Variants in PRELID2 observed in about 807,000 individuals in gnomAD.
The protein encoded by PRELID2 is PRELI domain containing 2, also known as PRELI domain-containing protein 2.
PRELID2 carries 25 observed loss-of-function variants against 28.4 expected under a neutral mutation model. That is an observed-to-expected ratio of 0.88 (90% CI 0.64 to 1.23). The LOEUF (loss-of-function observed/expected upper bound fraction) is 1.23. PRELID2 is among the 50% of genes most tolerant of loss of function. PRELID2 has a pLI of 0.00. For missense variants in PRELID2, 201 were observed against 214.4 expected (o/e 0.94, Z 0.39); for synonymous variants, 76 against 71.6 (o/e 1.06, Z -0.31).
intron 1 of PRELID2, among the ~76,000 whole-genome samples, chr5:145,682,696 A>C (rs1002204557): frequency 2.0e-5 from 3 of 152,168 alleles, no homozygotes; most frequent in Non-Finnish European, 4.4e-5. Context: ...GGTATTCACC[A>C]TGTGGGAAGG....
chr5:145,280,490 A>T, the PRELID2 span, among the ~76,000 whole-genome samples: 2 of 152,052 alleles, frequency 1.3e-5, no homozygotes, highest in African/African-American at 4.8e-5. Context: ...GATGCATGTG[A>T]GTGTCTATGT....
At chr5:145,425,037 C>A in the PRELID2 span, among the ~76,000 whole-genome samples, 1 of 150,478 alleles carries the variant, frequency 6.6e-6, no homozygotes. Context: ...ATCTAATATC[C>A]AGAGTCTACA....
At chr5:145,347,550 G>T in the PRELID2 span, among the ~76,000 whole-genome samples, 1 of 152,016 alleles carries the variant, frequency 6.6e-6, no homozygotes, top group Non-Finnish European at 1.5e-5. Context: ...TTTAAATAAG[G>T]GTTTGTGGTG....
chr5:145,338,211 A>C, the PRELID2 span: 2 of 152,160 alleles, frequency 1.3e-5, no homozygotes, highest in Non-Finnish European at 2.9e-5. Context: ...ACCCCATTAG[A>C]CACCACTGTT....
chr5:145,618,648 T>TG (rs1472042355), intron 1 of PRELID2, among the ~76,000 whole-genome samples: 1 of 152,204 alleles, frequency 6.6e-6, no homozygotes, highest in African/African-American at 2.4e-5. Context: ...TCTATTTTTG[T>TG]GCTGGTTGGC....
intron 1 of PRELID2, among the ~76,000 whole-genome samples, chr5:145,670,887 A>G (rs1363795343): frequency 6.6e-6 from 1 of 152,214 alleles, no homozygotes; most frequent in African/African-American, 2.4e-5. Context: ...TTAGCAGTAC[A>G]GCGTATGATT....
chr5:145,375,449 A>C, the PRELID2 span, among the ~76,000 whole-genome samples: 1 of 152,136 alleles, frequency 6.6e-6, no homozygotes, highest in Admixed American at 6.5e-5. Context: ...GGTCTCACCC[A>C]GTTGGGTGTC....
intron 5 of PRELID2, among the ~76,000 whole-genome samples, chr5:145,770,364 A>C (rs946834544): frequency 6.6e-6 from 1 of 151,942 alleles, no homozygotes; most frequent in Non-Finnish European, 1.5e-5. Flanking sequence ...AAAAAAAAAA[A>C]ATTTAATTAG....
intron 1 of PRELID2, among the ~76,000 whole-genome samples, chr5:145,594,292 CT>C (rs1753272185): frequency 6.6e-6 from 1 of 152,004 alleles, no homozygotes; most frequent in African/African-American, 2.4e-5. Context: ...ATGAGTTTAT[CT>C]TTTATCATTT....
chr5:145,781,399 G>A lies in PRELID2; in HGVS notation c.474+15043C>T, dbSNP rs563121626. On this transcript the variant is annotated intron_variant, in intron 5 of 6. Coordinates refer to ENST00000683046, the MANE Select transcript of PRELID2 (RefSeq NM_205846.3). ...TGATATGTCTGAATGACATTTTCCT[G>A]GTCTTTTTGGTCAAACTAAAAGACT... 2.1e-4 allele frequency among the ~76,000 whole-genome samples: 32 copies of A among 151,972 alleles called. 1 individual carries two copies. Among genetic ancestry groups the A allele is most frequent in the Admixed American group, 1.5e-3 (23 of 15,224 alleles).
At chr5:145,676,432 G>A (rs1410345094) in intron 1 of PRELID2, among the ~76,000 whole-genome samples, 1 of 151,990 alleles carries the variant, frequency 6.6e-6, no homozygotes, top group Non-Finnish European at 1.5e-5. Context: ...CTAGCCACTC[G>A]GGAGGCTGAG....
the PRELID2 span, among the ~76,000 whole-genome samples, chr5:145,394,907 C>G: frequency 6.6e-6 from 1 of 152,064 alleles, no homozygotes; most frequent in Non-Finnish European, 1.5e-5. Context: ...GTAGAGAACA[C>G]TTAATCTCTT....
the PRELID2 span, among the ~76,000 whole-genome samples, chr5:145,380,555 G>A: frequency 2.0e-5 from 3 of 152,018 alleles, no homozygotes; most frequent in Non-Finnish European, 2.9e-5. Context: ...CTCTAAATCA[G>A]CACTTCTGAT....
At chr5:145,575,172 C>G (rs1753050034) in intron 1 of PRELID2, among the ~76,000 whole-genome samples, 1 of 152,104 alleles carries the variant, frequency 6.6e-6, no homozygotes, top group Admixed American at 6.5e-5. Context: ...TTCTATAATT[C>G]CAGAATCGGG....
chr5:145,542,833 T>C (rs183568055), intron 1 of PRELID2, among the ~76,000 whole-genome samples: 13 of 152,062 alleles, frequency 8.5e-5, no homozygotes, highest in African/African-American at 2.2e-4. Flanking sequence ...TTTCTTTCTA[T>C]TATACATGGT....
At chr5:145,590,979 C>A (rs1168879385) in intron 1 of PRELID2, among the ~76,000 whole-genome samples, 1 of 151,348 alleles carries the variant, frequency 6.6e-6, no homozygotes, top group Non-Finnish European at 1.5e-5. Flanking sequence ...AAAAGATTAA[C>A]TTGCTTCCTT....
downstream of PRELID2, among the ~76,000 whole-genome samples, chr5:145,752,622 G>T (rs1757153464): frequency 6.6e-6 from 1 of 152,124 alleles, no homozygotes; most frequent in Non-Finnish European, 1.5e-5. Context: ...AGACAATAGA[G>T]GTTTTCCTCC....
chr5:145,699,268 G>C (rs770953602), intron 1 of PRELID2, among the ~76,000 whole-genome samples: 2 of 152,144 alleles, frequency 1.3e-5, no homozygotes, highest in African/African-American at 2.4e-5. Flanking sequence ...TTGAGGAAGA[G>C]GAGCCTTGCT....
intron 1 of PRELID2, among the ~76,000 whole-genome samples, chr5:145,612,342 A>G (rs1753629174): frequency 6.6e-6 from 1 of 152,196 alleles, no homozygotes; most frequent in Admixed American, 6.5e-5. Flanking sequence ...AAACACAAAC[A>G]ACAAACCACA....
Sources: allele counts gnomAD v4.1 joint callset (sites outside exome capture counted in the v4.1 genomes callset), GRCh38; gene constraint gnomAD v4.1.1; transcripts MANE v1.5; gene names NCBI Gene and HGNC (gene_info 2026-07-23, HGNC 2026-07-21).